The following NELL1 variants were observed in gnomAD, a reference collection of about 807,000 sequenced individuals.
NELL1 encodes neural EGFL like 1.
In NELL1, 76 loss-of-function variants were observed where a neutral mutation model predicts 107.4. That is an observed-to-expected ratio of 0.71 (90% CI 0.59 to 0.86). NELL1 has a LOEUF of 0.86. Among genes scored for constraint, NELL1 ranks in the 40% least tolerant of loss-of-function variants. The pLI is 0.00. For missense variants in NELL1, 1,024 were observed against 1,005.5 expected (o/e 1.02, Z -0.25); for synonymous variants, 353 against 341.2 (o/e 1.03, Z -0.38).
intron 12 of NELL1, among the ~76,000 whole-genome samples, chr11:21,056,455 C>T (rs145937473): frequency 1.3e-5 from 2 of 152,182 alleles, no homozygotes; most frequent in African/African-American, 4.8e-5. Context: ...CTTATTAAGT[C>T]ACCTTCCCTT....
intron 2 of NELL1, among the ~76,000 whole-genome samples, chr11:20,749,201 C>T (rs1856078002): frequency 6.6e-6 from 1 of 152,142 alleles, no homozygotes; most frequent in African/African-American, 2.4e-5. Context: ...CAGGGGATGT[C>T]ACACAGTATA....
At chr11:21,097,289 C>T (rs34238434) in intron 12 of NELL1, among the ~76,000 whole-genome samples, 6 of 152,024 alleles carry the variant, frequency 3.9e-5, no homozygotes, top group Non-Finnish European at 2.9e-5. Context: ...TGCTTGGTGC[C>T]GTGAAGTAAA....
intron 13 of NELL1, among the ~76,000 whole-genome samples, chr11:21,140,583 C>A (rs1006574565): frequency 6.6e-6 from 1 of 152,138 alleles, no homozygotes; most frequent in Non-Finnish European, 1.5e-5. Flanking sequence ...TGAAAGTCTG[C>A]AATGAATTAA....
chr11:21,150,516 G>A (rs1204331086), intron 13 of NELL1, among the ~76,000 whole-genome samples: 1 of 152,152 alleles, frequency 6.6e-6, no homozygotes, highest in Non-Finnish European at 1.5e-5. Flanking sequence ...TAATGTGAAG[G>A]CAGTGGGGGT....
intron 5 of NELL1, among the ~76,000 whole-genome samples, chr11:20,905,908 A>G (rs2134139285): frequency 6.6e-6 from 1 of 152,302 alleles, no homozygotes; most frequent in East Asian, 1.9e-4. Context: ...CATTTGATGA[A>G]ATATATGAAT....
intron 14 of NELL1, among the ~76,000 whole-genome samples, chr11:21,258,790 T>TTA (rs1330847454): frequency 1.3e-5 from 2 of 152,018 alleles, no homozygotes; most frequent in Non-Finnish European, 2.9e-5. Context: ...TACTTACACT[T>TTA]TATGAATCCA....
At chr11:21,447,902 C>G (rs1443187884) in intron 15 of NELL1, among the ~76,000 whole-genome samples, 1 of 152,144 alleles carries the variant, frequency 6.6e-6, no homozygotes. Context: ...CTTCCCAGTT[C>G]TGACCACTGC....
intron 15 of NELL1, among the ~76,000 whole-genome samples, chr11:21,437,852 G>A (rs955639658): frequency 6.6e-6 from 1 of 152,146 alleles, no homozygotes; most frequent in African/African-American, 2.4e-5. Context: ...AGTTTAGCTA[G>A]TCTATATCTT....
At chr11:20,740,853 T>C (rs1168550748) in intron 2 of NELL1, among the ~76,000 whole-genome samples, 1 of 152,132 alleles carries the variant, frequency 6.6e-6, no homozygotes, top group Non-Finnish European at 1.5e-5. Flanking sequence ...TTCAAACTCC[T>C]GGGCCCAAGT....
chr11:20,915,717 A>ATATATATATATATTTTTTTTTTTTTTT, intron 5 of NELL1, among the ~76,000 whole-genome samples: 3 of 58,214 alleles, frequency 5.2e-5, no homozygotes, highest in African/African-American at 1.8e-4. Flanking sequence ...ATATATATAT[A>ATATATATATATATTTTTTTTTTTTTTT]TTTTTTTTTT....
At chr11:20,971,077 G>A (rs1376497612) in intron 12 of NELL1, among the ~76,000 whole-genome samples, 6 of 152,080 alleles carry the variant, frequency 3.9e-5, no homozygotes, top group Admixed American at 3.9e-4. Flanking sequence ...TCTTGATCAT[G>A]TCTTCCCTCT....
intron 14 of NELL1, among the ~76,000 whole-genome samples, chr11:21,323,071 A>C (rs571267142): frequency 6.6e-6 from 1 of 152,302 alleles, no homozygotes; most frequent in South Asian, 2.1e-4. Flanking sequence ...CATGGAGTTT[A>C]ACTGGAGAGA....
At chr11:21,283,044 T>G (rs1299198456) in intron 14 of NELL1, among the ~76,000 whole-genome samples, 9 of 145,872 alleles carry the variant, frequency 6.2e-5, no homozygotes, top group South Asian at 2.2e-4. Context: ...TGGGGGAGTG[T>G]GGGGGAGGTG....
intron 13 of NELL1, among the ~76,000 whole-genome samples, chr11:21,166,898 G>A (rs1450740583): frequency 6.6e-6 from 1 of 151,814 alleles, no homozygotes; most frequent in Non-Finnish European, 1.5e-5. Flanking sequence ...AAACAAAAAT[G>A]CCAATGAGAT....
At chr11:21,019,958 T>C (rs4923264) in intron 12 of NELL1, among the ~76,000 whole-genome samples, 10,233 of 152,144 alleles carry the variant, frequency 0.067, 414 homozygotes, top group Middle Eastern at 0.13. Flanking sequence ...TTATCAATAT[T>C]TGCTAATAGT....
rs542813200 is a variant in NELL1 at position 21,323,459 on chromosome 11, G to T, written c.1550-47394G>T. On this transcript the variant is annotated intron_variant, in intron 14 of 19. Coordinates refer to ENST00000357134, the MANE Select transcript of NELL1 (RefSeq NM_006157.5). ...TTCTCTTCTGCTTCCATTAGTGATG[G>T]GCATCATTTAATTTTTGCCCCATTT... Among the ~76,000 whole-genome samples, 12 of 152,078 alleles carry T rather than the reference G, an allele frequency of 7.9e-5. No homozygotes were observed. The South Asian group carries it at 2.5e-3, about 32-fold the overall frequency.
chr11:21,455,403 C>T (rs1297750169), intron 15 of NELL1, among the ~76,000 whole-genome samples: 1 of 146,762 alleles, frequency 6.8e-6, no homozygotes, highest in Non-Finnish European at 1.5e-5. Context: ...ATGGTCATGA[C>T]TCACTGCAGC....
chr11:20,918,215 C>T lies in NELL1; in HGVS notation c.637C>T (p.Pro213Ser), dbSNP rs760022143. 9 of 1,599,044 alleles carry T rather than the reference C, an allele frequency of 5.6e-6. No homozygotes were observed. The highest frequency in any genetic ancestry group is 2.2e-5 in the East Asian group (1 of 44,712). The change falls in exon 6 of 20, where the codon CCG (proline) becomes TCG (serine). Residue 213 changes from proline (P) to serine (S), a missense_variant. Pro to Ser is a moderately conservative substitution (Grantham distance 74). Transcript: ENST00000357134. ...CCAAGATGGGAAGATCATCTTTATG[C>T]CGAATGGATATATAACACAGTGTCC... ...IIQDGKIIFM[P>S]NGYITQCPNL...
chr11:21,022,543 A>T (rs990745504), intron 12 of NELL1, among the ~76,000 whole-genome samples: 3 of 152,060 alleles, frequency 2.0e-5, no homozygotes, highest in African/African-American at 4.8e-5. Flanking sequence ...TCTCTTTCCA[A>T]TTTCCCCAGA....
Sources: gnomAD v4.1 joint callset for allele counts (sites outside exome capture counted in the v4.1 genomes callset) on GRCh38, gnomAD v4.1.1 for gene constraint, MANE v1.5 for transcripts, NCBI Gene and HGNC (gene_info 2026-07-23, HGNC 2026-07-21) for gene names.